CWC27: variants seen among roughly 807,000 people sequenced by gnomAD.
CWC27 encodes the protein CWC27 spliceosome associated cyclophilin.
A neutral mutation model predicts 63.6 loss-of-function variants in CWC27; 47 were observed. The observed-to-expected ratio is 0.74, with a 90% CI of 0.58 to 0.94. CWC27 has a LOEUF of 0.94. Among genes scored for constraint, CWC27 ranks in the 40% least tolerant of loss-of-function variants. The pLI is 0.00. For missense variants in CWC27, 495 were observed against 554.3 expected (o/e 0.89, Z 1.07); for synonymous variants, 175 against 179.8 (o/e 0.97, Z 0.22).
At chr5:64,814,304 TA>T (rs1744967855) in intron 10 of CWC27, among the ~76,000 whole-genome samples, 1 of 152,092 alleles carries the variant, frequency 6.6e-6, no homozygotes, top group Non-Finnish European at 1.5e-5. Flanking sequence ...ATACTGAAAT[TA>T]GTAAGTATCA....
intron 11 of CWC27, among the ~76,000 whole-genome samples, chr5:64,886,858 A>T (rs1213749433): frequency 6.6e-6 from 1 of 152,134 alleles, no homozygotes; most frequent in Non-Finnish European, 1.5e-5. Flanking sequence ...TAGATCATGA[A>T]GGCAAAATGT....
chr5:65,008,942 G>A (rs1242817241), intron 13 of CWC27, among the ~76,000 whole-genome samples: 1 of 152,112 alleles, frequency 6.6e-6, no homozygotes, highest in Non-Finnish European at 1.5e-5. Context: ...AAAGGGGTAT[G>A]TAGTTGTCTA....
chr5:64,849,766 A>G (rs964314183), intron 10 of CWC27, among the ~76,000 whole-genome samples: 4 of 152,068 alleles, frequency 2.6e-5, no homozygotes, highest in African/African-American at 9.7e-5. Context: ...GTGAGTTCTC[A>G]TGAGATCTGA....
chr5:64,922,430 C>T (rs1008642935), intron 11 of CWC27, among the ~76,000 whole-genome samples: 1 of 152,176 alleles, frequency 6.6e-6, no homozygotes, highest in Non-Finnish European at 1.5e-5. Flanking sequence ...TTTGTTAATG[C>T]TTCTGTTGTA....
At chr5:64,884,105 C>G (rs996091789) in intron 10 of CWC27, 1 of 152,038 alleles carries the variant, frequency 6.6e-6, no homozygotes, top group African/African-American at 2.4e-5. Flanking sequence ...AAACAAGGAA[C>G]TTATGAGTGC....
At position 64,904,183 on chromosome 5, in the gene CWC27, A is replaced by G. The variant is rs143661904; in HGVS notation, c.1042+18637A>G. Among the ~76,000 whole-genome samples the G allele has an allele frequency of 1.2e-4, 18 of 152,260 alleles. No homozygotes were observed. In the South Asian group the frequency reaches 2.7e-3, roughly 23 times the overall value. ...GCTTCTGCCCACTACAAGGTTTCAA[A>G]CCATTTACATATTTTAGGTTTTTCT... On this transcript the variant is annotated intron_variant, in intron 11 of 13. Coordinates refer to ENST00000381070, the MANE Select transcript of CWC27 (RefSeq NM_005869.4).
intron 10 of CWC27, among the ~76,000 whole-genome samples, chr5:64,815,784 G>A (rs1052926093): frequency 6.6e-6 from 1 of 151,998 alleles, no homozygotes; most frequent in Non-Finnish European, 1.5e-5. Context: ...TACACCCAAG[G>A]GTGGAGAAGA....
chr5:65,017,685 T>G (rs1353933252), intron 13 of CWC27, among the ~76,000 whole-genome samples: 1 of 152,256 alleles, frequency 6.6e-6, no homozygotes, highest in Non-Finnish European at 1.5e-5. Flanking sequence ...TTGAACATCA[T>G]TTTTAAATTA....
chr5:64,832,860 C>T (rs1561426962), intron 10 of CWC27, among the ~76,000 whole-genome samples: 1 of 151,672 alleles, frequency 6.6e-6, no homozygotes, highest in Admixed American at 6.6e-5. Context: ...CTCATAGACG[C>T]TCTTGAAATG....
rs1747660890 is a variant in CWC27, at chr5:64,907,071, C to T, written c.1042+21525C>T. Among the ~76,000 whole-genome samples, 3 of 152,042 alleles carry T rather than the reference C, an allele frequency of 2.0e-5. No homozygotes were observed. In the South Asian group the frequency reaches 6.2e-4, roughly 31 times the overall value. ...ACCATGCTGTTTTGGTTACTGTAGC[C>T]TTGTAGTATAGTTTGAAGTAAGGTA... On this transcript the variant is annotated intron_variant, in intron 11 of 13. Coordinates refer to ENST00000381070, the MANE Select transcript of CWC27 (RefSeq NM_005869.4).
chr5:64,891,376 C>G (rs1048922175), intron 11 of CWC27, among the ~76,000 whole-genome samples: 1 of 152,166 alleles, frequency 6.6e-6, no homozygotes, highest in Non-Finnish European at 1.5e-5. Context: ...TCTTGAACCC[C>G]TTACTACCTT....
intron 10 of CWC27, among the ~76,000 whole-genome samples, chr5:64,880,495 A>G (rs910809500): frequency 2.0e-5 from 3 of 152,012 alleles, no homozygotes; most frequent in South Asian, 4.1e-4. Context: ...AGAACCTAGC[A>G]AAGTGAGGTT....
chr5:64,823,655 G>T (rs566885958), intron 10 of CWC27, among the ~76,000 whole-genome samples: 1 of 152,144 alleles, frequency 6.6e-6, no homozygotes, highest in Admixed American at 6.6e-5. Flanking sequence ...ACATTAAAAA[G>T]TACCAAATAG....
intron 11 of CWC27, among the ~76,000 whole-genome samples, chr5:64,948,564 A>G (rs1230027209): frequency 6.6e-6 from 1 of 152,018 alleles, no homozygotes; most frequent in Non-Finnish European, 1.5e-5. Context: ...CCAAGAAGAA[A>G]TCCATTAGAC....
chr5:64,796,602 G>A (rs996086892), intron 7 of CWC27, among the ~76,000 whole-genome samples: 5 of 151,900 alleles, frequency 3.3e-5, no homozygotes, highest in African/African-American at 1.2e-4. Context: ...TATTTTCATA[G>A]CAACATCTAG....
intron 2 of CWC27, among the ~76,000 whole-genome samples, chr5:64,778,554 C>CA (rs1437399154): frequency 1.3e-5 from 2 of 152,130 alleles, no homozygotes; most frequent in Non-Finnish European, 2.9e-5. Context: ...AGTTTGACCT[C>CA]ACATTTGTGT....
At chr5:64,772,709 G>A (rs187096342) in intron 1 of CWC27, among the ~76,000 whole-genome samples, 6,377 of 150,490 alleles carry the variant, frequency 0.042, 464 homozygotes, top group African/African-American at 0.15. Context: ...AGGCTGAGGC[G>A]GGCGGATCAT....
At chr5:64,862,035 T>C (rs1463320668) in intron 10 of CWC27, among the ~76,000 whole-genome samples, 2 of 152,242 alleles carry the variant, frequency 1.3e-5, no homozygotes, top group South Asian at 2.1e-4. Context: ...GAGCGCTAGA[T>C]ATCAAGTAGG....
At chr5:64,953,822 C>A (rs555934463) in intron 11 of CWC27, among the ~76,000 whole-genome samples, 1 of 152,094 alleles carries the variant, frequency 6.6e-6, no homozygotes, top group Admixed American at 6.6e-5. Flanking sequence ...TTCTAGATCT[C>A]ATTAGAAATG....
Sources: gnomAD v4.1 joint callset for allele counts (sites outside exome capture counted in the v4.1 genomes callset) on GRCh38, gnomAD v4.1.1 for gene constraint, MANE v1.5 for transcripts, NCBI Gene and HGNC (gene_info 2026-07-23, HGNC 2026-07-21) for gene names.